The following ATP2C2 variants were observed in gnomAD, a reference collection of about 807,000 sequenced individuals.
ATP2C2 encodes the protein calcium-transporting ATPase type 2C member 2.
In ATP2C2, 171 loss-of-function variants were observed where a neutral mutation model predicts 110.8. The ratio of observed to expected loss-of-function variants is 1.54; its 90% CI spans 1.36 to 1.75. The LOEUF (loss-of-function observed/expected upper bound fraction) is 1.75, where lower values mean the gene tolerates loss of function less well. ATP2C2 is among the 40% of genes most tolerant of loss of function. ATP2C2 has a pLI of 0.00. For missense variants in ATP2C2, 1,963 were observed against 1,235.0 expected, an observed-to-expected ratio of 1.59 and a Z score of -8.84; for synonymous variants, 804 against 508.4, an observed-to-expected ratio of 1.58 and a Z score of -7.82.
chr16:84,415,538 G>C lies in ATP2C2; in HGVS notation c.571G>C (p.Val191Leu). 6.2e-7 allele frequency: 1 copy of C among 1,614,178 alleles called. No homozygotes were observed. Among genetic ancestry groups the C allele is most frequent in the Non-Finnish European group, 8.5e-7 (1 of 1,180,024 alleles). Reference sequence around the variant, plus strand: ...TGCTCGAGAACTGGTTCCTGGTGATGTCGTATCTCTCTCGATCGGAGACCG... The same window carrying C: ...TGCTCGAGAACTGGTTCCTGGTGATCTCGTATCTCTCTCGATCGGAGACCG... ...LLARELVPGD[V>L]VSLSIGDRIP... Residue 191 changes from valine (V) to leucine (L), a missense_variant, in exon 7 of 27, where the codon GTC becomes CTC. Val to Leu is a conservative substitution (Grantham distance 32, BLOSUM62 1). Coordinates refer to ENST00000262429, the MANE Select transcript of ATP2C2 (RefSeq NM_014861.4).
In ATP2C2 at chr16:84,442,506, T is replaced by C; in HGVS notation, c.1312-4T>C. On this transcript the variant is annotated splice_polypyrimidine_tract_variant and splice_region_variant and intron_variant, in intron 14 of 26. Coordinates refer to ENST00000262429, the MANE Select transcript of ATP2C2 (RefSeq NM_014861.4). ...CTACAGATGTCCGGACAATCCCCTT[T>C]TAGGCGGGCTGTGTTGCCAACAATG... 6.2e-7 allele frequency: 1 copy of C among 1,613,846 alleles called. No homozygotes were observed. The highest frequency in any genetic ancestry group is 1.1e-5 in the South Asian group (1 of 91,078).
At position 84,463,809 on chromosome 16, in the gene ATP2C2, A is replaced by T. The variant is rs1911648140; in HGVS notation, c.*77A>T. On this transcript the variant is annotated 3_prime_UTR_variant, in exon 27 of 27. Transcript: ENST00000262429. ...GTGGCCCCTGCCGTGTCTCCTCGTC[A>T]GGGGAGACTTTTAGGAGGCCGCAGC... The T allele has an allele frequency of 7.7e-7, 1 of 1,304,962 alleles. No homozygotes were observed. The highest frequency in any genetic ancestry group is 1.1e-6 in the Non-Finnish European group (1 of 906,862). The allele number at this position is 1,304,962 out of a possible 1,614,324, so 80.8% of individuals were successfully genotyped here.
chr16:84,442,712 G>C, intron 15 of ATP2C2, 113 bp downstream of exon 15: 1 of 1,040,384 alleles, frequency 9.6e-7, no homozygotes, highest in African/African-American at 1.6e-5. Context: ...AGGTAATCAT[G>C]GAAGAAAATG....
chr16:84,379,633 G>GT (rs930395746), intron 1 of ATP2C2, among the ~76,000 whole-genome samples: 4 of 152,142 alleles, frequency 2.6e-5, no homozygotes, highest in African/African-American at 9.7e-5. Context: ...AAGCCTCGCC[G>GT]GGGGGTTCTG....
chr16:84,452,738 A>G (rs1331440845), intron 18 of ATP2C2, among the ~76,000 whole-genome samples: 1 of 152,008 alleles, frequency 6.6e-6, no homozygotes, highest in Admixed American at 6.6e-5. Flanking sequence ...AACTCAGGGA[A>G]TCTGCCCACC....
intron 1 of ATP2C2, among the ~76,000 whole-genome samples, chr16:84,390,490 G>A (rs947880722): frequency 6.6e-6 from 1 of 152,212 alleles, no homozygotes; most frequent in Non-Finnish European, 1.5e-5. Flanking sequence ...CGTCGCCCGC[G>A]TGGGTCTATC....
chr16:84,425,906 G>C (rs1887), intron 11 of ATP2C2, 105 bp downstream of exon 11: 591,222 of 1,418,040 alleles, frequency 0.42, 124,987 homozygotes, highest in African/African-American at 0.46. Flanking sequence ...AGGAAGGGTT[G>C]GGAAGGTGCA....
At chr16:84,435,364 G>C (rs1038011550) in intron 11 of ATP2C2, among the ~76,000 whole-genome samples, 1 of 152,226 alleles carries the variant, frequency 6.6e-6, no homozygotes, top group African/African-American at 2.4e-5. Flanking sequence ...GTCTCTCTGT[G>C]TGATCCTGGT....
rs1909040780 is a variant in ATP2C2 at position 84,439,420 on chromosome 16, GT to G, written c.1112-6del. On this transcript the variant is annotated splice_polypyrimidine_tract_variant and splice_region_variant and intron_variant, in intron 12 of 26. Coordinates refer to ENST00000262429, the MANE Select transcript of ATP2C2 (RefSeq NM_014861.4). ...TCTCTTCTATAAACTGGTGTTTGTT[GT>G]ACCAGGTTGCTGCAGCGTTCTCTGT... 1.9e-6 allele frequency: 3 copies of G among 1,613,932 alleles called. No homozygotes were observed. The highest frequency in any genetic ancestry group is 2.5e-6 in the Non-Finnish European group (3 of 1,179,972).
Position 84,463,928 on chromosome 16 carries a change from T to C in ATP2C2, c.*196T>C. 1.7e-6 allele frequency: 1 copy of C among 576,064 alleles called. No homozygotes were observed. The highest frequency in any genetic ancestry group is 3.1e-6 in the Non-Finnish European group (1 of 322,966). The allele number at this position is 576,064 out of a possible 1,614,324, so 35.7% of individuals were successfully genotyped here. A position where few individuals can be genotyped will look rare whatever the true frequency, so the allele number is the denominator to read the frequency against. On this transcript the variant is annotated 3_prime_UTR_variant, in exon 27 of 27. Coordinates refer to ENST00000262429, the MANE Select transcript of ATP2C2 (RefSeq NM_014861.4). The stretch of plus-strand genomic sequence containing the variant: ...GCCCACATCCATCCAGCGTTCCCGC[T>C]GGCTGTGGGACAGACAGGGAGGGGC...
rs544202317 is a variant in ATP2C2, at chr16:84,390,907, A to G, written c.100-7592A>G. On this transcript the variant is annotated intron_variant, in intron 1 of 26. Transcript: ENST00000262429. The stretch of plus-strand genomic sequence containing the variant: ...GGTGGGCGGATCACCTGAGGTCAGG[A>G]GTTTGAGACCAGCCCGGCCAACATG... Among the ~76,000 whole-genome samples the G allele has an allele frequency of 9.9e-5, 15 of 152,226 alleles. No individual in the cohort carries two copies. In the South Asian group the frequency reaches 2.3e-3, roughly 23 times the overall value.
intron 1 of ATP2C2, among the ~76,000 whole-genome samples, chr16:84,390,283 C>T (rs1904573731): frequency 6.6e-6 from 1 of 152,206 alleles, no homozygotes; most frequent in South Asian, 2.1e-4. Flanking sequence ...CCGGAGGTGC[C>T]GCTGGCTCCC....
intron 21 of ATP2C2, among the ~76,000 whole-genome samples, 198 bp from the exon 22 acceptor site, chr16:84,458,922 C>T (rs1910961182): frequency 6.6e-6 from 1 of 152,172 alleles, no homozygotes; most frequent in Admixed American, 6.5e-5. Flanking sequence ...GATCAGTTCC[C>T]AGTGGCCGAG....
chr16:84,368,627 A>T lies in ATP2C2; in HGVS notation c.12A>T (p.Gly4=), dbSNP rs777893952. ...TGCGCCCGCTCACCATGGTCGAGGG[A>T]CGCGTCTCCGAGTTCCTGAAGAAAC... MVE[G]RVSEFLKKLG... The change falls in exon 1 of 27, where the codon GGA becomes GGT. Residue 4 remains glycine (G), a synonymous_variant. Transcript: ENST00000262429. 5.6e-5 allele frequency: 87 copies of T among 1,559,798 alleles called. No homozygotes were observed. The highest frequency in any genetic ancestry group is 7.4e-5 in the Non-Finnish European group (85 of 1,153,448).
intron 2 of ATP2C2, 148 bp downstream of exon 2, chr16:84,398,757 T>G: frequency 9.5e-6 from 6 of 634,726 alleles, no homozygotes; most frequent in Non-Finnish European, 1.3e-5. Flanking sequence ...TGTTGAATGG[T>G]TCAGATTCCA....
At chr16:84,438,169 T>C (rs999669257) in intron 11 of ATP2C2, among the ~76,000 whole-genome samples, 2 of 152,258 alleles carry the variant, frequency 1.3e-5, no homozygotes, top group African/African-American at 4.8e-5. Context: ...ATGTTTGTTT[T>C]TACATTTTTT....
chr16:84,443,775 C>T (rs1342687332), intron 15 of ATP2C2, among the ~76,000 whole-genome samples: 1 of 152,190 alleles, frequency 6.6e-6, no homozygotes, highest in Admixed American at 6.5e-5. Flanking sequence ...ACCTCCCACA[C>T]CACTGCCTTC....
chr16:84,414,995 T>G (rs988993973), intron 6 of ATP2C2, among the ~76,000 whole-genome samples: 2 of 151,948 alleles, frequency 1.3e-5, no homozygotes, highest in African/African-American at 2.4e-5. Flanking sequence ...GGGATTCCAT[T>G]TGGAGCCTGT....
intron 2 of ATP2C2, among the ~76,000 whole-genome samples, chr16:84,401,907 A>T (rs527484216): frequency 6.6e-6 from 1 of 152,024 alleles, no homozygotes; most frequent in East Asian, 1.9e-4. Flanking sequence ...TTAAATCTAT[A>T]GATTGCTTTG....
Sources: allele counts gnomAD v4.1 joint callset (sites outside exome capture counted in the v4.1 genomes callset), GRCh38; gene constraint gnomAD v4.1.1; transcripts MANE v1.5; gene names NCBI Gene and HGNC (gene_info 2026-07-23, HGNC 2026-07-21).